SLCO1A2: variants seen among roughly 807,000 people sequenced by gnomAD.
SLCO1A2 encodes OATP-1.
SLCO1A2 carries 67 observed loss-of-function variants against 69.0 expected under a neutral mutation model. The observed-to-expected ratio is 0.97, with a 90% CI of 0.80 to 1.19. The LOEUF is 1.19. Ranked by LOEUF, SLCO1A2 falls within the 50% of genes most tolerant of loss-of-function variation. SLCO1A2 has a pLI of 0.00. For missense variants in SLCO1A2, 787 were observed against 793.7 expected (o/e 0.99, Z 0.10); for synonymous variants, 260 against 265.9 (o/e 0.98, Z 0.22).
At chr12:21,313,462 C>T (rs1001505574) in intron 4 of SLCO1A2, among the ~76,000 whole-genome samples, 13 of 152,252 alleles carry the variant, frequency 8.5e-5, no homozygotes, top group African/African-American at 2.9e-4. Context: ...CCTGTAATCC[C>T]GCACTTTGAG....
Position 21,334,634 on chromosome 12 carries a change from T to G in SLCO1A2, c.14A>C (p.Glu5Ala), listed in dbSNP as rs776876724. MGET[E>A]KRIETHRIRC... ...TATTCTATGGGTTTCAATTCTTTTCTCAGTTTCTCCCATGTTGCTCTTCAG... is the reference window on the plus strand; with the variant it reads ...TATTCTATGGGTTTCAATTCTTTTCGCAGTTTCTCCCATGTTGCTCTTCAG... The change falls in exon 2 of 15, where the codon GAG becomes GCG. Residue 5 changes from glutamate to alanine, a missense_variant. Coordinates refer to ENST00000683939, the MANE Select transcript of SLCO1A2 (RefSeq NM_001386879.1). The G allele has an allele frequency of 6.2e-7, 1 of 1,610,378 alleles. No homozygotes were observed. The highest frequency in any genetic ancestry group is 1.7e-5 in the Admixed American group (1 of 59,600).
intron 2 of SLCO1A2, among the ~76,000 whole-genome samples, chr12:21,350,567 T>C (rs1202281048): frequency 1.3e-5 from 2 of 152,108 alleles, no homozygotes; most frequent in Non-Finnish European, 2.9e-5. Context: ...CCGGGCACAG[T>C]GGCTCACGCC....
Position 21,293,983 on chromosome 12 carries a change from C to G in SLCO1A2, c.1399G>C (p.Ala467Pro). The change falls in exon 11 of 15, where the codon GCT becomes CCT. Residue 467 changes from alanine to proline, a missense_variant. Coordinates refer to ENST00000683939, the MANE Select transcript of SLCO1A2 (RefSeq NM_001386879.1). The part of the protein sequence containing the change: ...NGLSYLSACL[A>P]GCETSIGTGI... ...GTTCCAATGGATGTCTCACAACCAG[C>G]AAGACAAGCTGACAGATATGACAAG... 6.2e-7 allele frequency: 1 copy of G among 1,612,088 alleles called. No homozygotes were observed. Among genetic ancestry groups the G allele is most frequent in the South Asian group, 1.1e-5 (1 of 90,730 alleles).
Position 21,326,838 on chromosome 12 carries a change from G to A in SLCO1A2, c.60+7750C>T, listed in dbSNP as rs117862896. On this transcript the variant is annotated intron_variant, in intron 2 of 14. Coordinates refer to ENST00000683939, the MANE Select transcript of SLCO1A2 (RefSeq NM_001386879.1). ...ATTGGAACTTATGTTTAAAAGGGAA[G>A]CAAAGCATGAAAGTTAGGAAAATTT... Among the ~76,000 whole-genome samples the A allele has an allele frequency of 1.7e-4, 26 of 152,238 alleles. No homozygotes were observed. The East Asian group carries it at 3.7e-3, about 22-fold the overall frequency.
intron 12 of SLCO1A2, among the ~76,000 whole-genome samples, chr12:21,287,310 G>A (rs1290155548): frequency 1.7e-4 from 25 of 147,968 alleles, no homozygotes; most frequent in Admixed American, 4.0e-4. Flanking sequence ...ACCACTATGA[G>A]ATATCATCTC....
chr12:21,399,772 G>A (rs1941622345), upstream of SLCO1A2, among the ~76,000 whole-genome samples: 1 of 135,108 alleles, frequency 7.4e-6, no homozygotes, highest in East Asian at 2.2e-4. Flanking sequence ...ACAAGCAATG[G>A]GGAAAGGATT....
At chr12:21,340,216 C>T (rs1228063225) in intron 2 of SLCO1A2, among the ~76,000 whole-genome samples, 3 of 152,024 alleles carry the variant, frequency 2.0e-5, no homozygotes, top group African/African-American at 7.2e-5. Context: ...AACCTGCATA[C>T]ATTAACTAAT....
chr12:21,301,284 A>G lies in SLCO1A2; in HGVS notation c.590-15T>C. 1 of 1,566,678 alleles carries G rather than the reference A, an allele frequency of 6.4e-7. No homozygotes were observed. Among genetic ancestry groups the G allele is most frequent in the Non-Finnish European group, 8.8e-7 (1 of 1,141,738 alleles). ...TTCTACAAGCCCTAAAAATAAATAA[A>G]AGTATAAGGTTATAGTACAGTTATA... On this transcript the variant is annotated splice_polypyrimidine_tract_variant and intron_variant, in intron 6 of 14. Transcript: ENST00000683939.
At chr12:21,410,374 A>C (rs1047337585) in intron 1 of SLCO1A2, among the ~76,000 whole-genome samples, 1 of 152,190 alleles carries the variant, frequency 6.6e-6, no homozygotes, top group African/African-American at 2.4e-5. Flanking sequence ...GGCTATATAT[A>C]ACTTGAGGGA....
intron 2 of SLCO1A2, among the ~76,000 whole-genome samples, chr12:21,342,938 G>T (rs1175094164): frequency 6.6e-6 from 1 of 152,000 alleles, no homozygotes; most frequent in African/African-American, 2.4e-5. Flanking sequence ...AGGGGGAAAA[G>T]TACACTCAAT....
chr12:21,353,551 C>T (rs1938128451), intron 2 of SLCO1A2, among the ~76,000 whole-genome samples: 1 of 152,024 alleles, frequency 6.6e-6, no homozygotes, highest in African/African-American at 2.4e-5. Flanking sequence ...TAGCAGATTG[C>T]TGTGATGCAC....
At chr12:21,317,131 AAT>A (rs1950979493) in intron 3 of SLCO1A2, among the ~76,000 whole-genome samples, 1 of 152,116 alleles carries the variant, frequency 6.6e-6, no homozygotes, top group Non-Finnish European at 1.5e-5. Context: ...ATGGTGTTAG[AAT>A]GCTAAAAGGG....
At chr12:21,330,870 A>G (rs1952570805) in intron 2 of SLCO1A2, among the ~76,000 whole-genome samples, 1 of 152,122 alleles carries the variant, frequency 6.6e-6, no homozygotes, top group African/African-American at 2.4e-5. Flanking sequence ...CCTTATTACA[A>G]CTTACACAGA....
chr12:21,325,465 T>A (rs1415367108), intron 2 of SLCO1A2, among the ~76,000 whole-genome samples: 1 of 152,214 alleles, frequency 6.6e-6, no homozygotes, highest in Non-Finnish European at 1.5e-5. Flanking sequence ...TGATTTGAGT[T>A]CCCAGCAAGG....
At chr12:21,281,485 T>C (rs922833759) in intron 12 of SLCO1A2, among the ~76,000 whole-genome samples, 12 of 150,962 alleles carry the variant, frequency 7.9e-5, no homozygotes, top group African/African-American at 2.4e-4. Flanking sequence ...CAATAATGCA[T>C]ATTAAAGAAT....
At chr12:21,321,334 C>T (rs1017149102) in intron 2 of SLCO1A2, among the ~76,000 whole-genome samples, 2 of 152,282 alleles carry the variant, frequency 1.3e-5, no homozygotes, top group South Asian at 2.1e-4. Context: ...AACTACCACA[C>T]GTATGATGAA....
At chr12:21,276,739 G>A (rs1943931859) in intron 12 of SLCO1A2, among the ~76,000 whole-genome samples, 1 of 152,168 alleles carries the variant, frequency 6.6e-6, no homozygotes. Flanking sequence ...ACTTGGGAGA[G>A]GGAGAATGCA....
rs1198158737 is a variant in SLCO1A2, at chr12:21,269,611, C to T, written c.1950G>A (p.Glu650=). The T allele has an allele frequency of 2.5e-6, 4 of 1,612,554 alleles. No individual in the cohort carries two copies. Among genetic ancestry groups the T allele is most frequent in the Admixed American group, 3.3e-5 (2 of 59,878 alleles). Reference sequence around the variant, plus strand: ...TGGACTTTTGGTATATATCTTTGCACTCATTTTCCTTCCCTTTGACTTTTG... The same window carrying T: ...TGGACTTTTGGTATATATCTTTGCATTCATTTTCCTTCCCTTTGACTTTTG... ...IETKVKGKEN[E]CKDIYQKSTV... Residue 650 remains glutamate (E), a synonymous_variant, in exon 15 of 15, where the codon GAG becomes GAA. Transcript: ENST00000683939.
At chr12:21,389,583 T>C (rs908364786) in intron 1 of SLCO1A2, among the ~76,000 whole-genome samples, 13 of 152,084 alleles carry the variant, frequency 8.5e-5, no homozygotes, top group Admixed American at 5.9e-4. Flanking sequence ...TATGAAGAAC[T>C]TATTTTTTCA....
Sources: allele counts gnomAD v4.1 joint callset (sites outside exome capture counted in the v4.1 genomes callset), GRCh38; gene constraint gnomAD v4.1.1; transcripts MANE v1.5; gene names NCBI Gene and HGNC (gene_info 2026-07-23, HGNC 2026-07-21).